Variants in PPP2R2B observed in about 807,000 individuals in gnomAD.
PPP2R2B encodes protein phosphatase 2 regulatory subunit Bbeta, also known as serine/threonine-protein phosphatase 2A 55 kDa regulatory subunit B beta isoform.
Under a neutral mutation model 46.0 loss-of-function variants are expected in PPP2R2B, and 5 were observed. That is an observed-to-expected ratio of 0.11 (90% CI 0.06 to 0.23). The LOEUF (loss-of-function observed/expected upper bound fraction) is 0.23. Ranked by LOEUF, PPP2R2B falls within the 10% of genes least tolerant of loss-of-function variation. The pLI is 1.00. For missense variants in PPP2R2B, 367 were observed against 575.0 expected (o/e 0.64, Z 3.70); for synonymous variants, 215 against 206.7 (o/e 1.04, Z -0.34).
intron 1 of PPP2R2B, among the ~76,000 whole-genome samples, chr5:147,020,906 A>C (rs1000347970): frequency 1.3e-5 from 2 of 152,212 alleles, no homozygotes; most frequent in African/African-American, 4.8e-5. Context: ...CGAGAACTGT[A>C]TAACTAAATT....
intron 2 of PPP2R2B, among the ~76,000 whole-genome samples, chr5:146,731,416 T>C (rs772428394): frequency 1.1e-4 from 17 of 152,224 alleles, no homozygotes; most frequent in Non-Finnish European, 2.2e-4. Context: ...TAAAATTATT[T>C]TGCAAGAGAC....
intron 2 of PPP2R2B, chr5:146,751,447 T>G (rs1475467376): frequency 6.6e-6 from 1 of 152,260 alleles, no homozygotes; most frequent in Non-Finnish European, 1.5e-5. Context: ...GTCTGGCCCC[T>G]GCCTGCCTCT....
intron 2 of PPP2R2B, among the ~76,000 whole-genome samples, chr5:146,813,912 C>T (rs1237433982): frequency 6.6e-6 from 1 of 152,038 alleles, no homozygotes; most frequent in South Asian, 2.1e-4. Context: ...ACAGTTTAGA[C>T]CAGGACAGGA....
chr5:146,667,755 C>T (rs867987819), intron 5 of PPP2R2B, among the ~76,000 whole-genome samples: 12 of 152,118 alleles, frequency 7.9e-5, no homozygotes, highest in Admixed American at 1.3e-4. Context: ...GTCTCTTAAA[C>T]GCCTTCTCTC....
chr5:146,669,990 C>T (rs1777242384), intron 5 of PPP2R2B, among the ~76,000 whole-genome samples: 1 of 152,168 alleles, frequency 6.6e-6, no homozygotes, highest in African/African-American at 2.4e-5. Context: ...TCAGGTTTCT[C>T]TCTGCAGTAA....
chr5:146,790,826 G>A (rs1162351594), intron 2 of PPP2R2B, among the ~76,000 whole-genome samples: 2 of 152,200 alleles, frequency 1.3e-5, no homozygotes, highest in African/African-American at 4.8e-5. Flanking sequence ...ATTGAAGAGA[G>A]GAGGAAGAAA....
chr5:147,068,884 A>G (rs1757490845), intron 2 of PPP2R2B, among the ~76,000 whole-genome samples: 2 of 152,080 alleles, frequency 1.3e-5, no homozygotes, highest in Admixed American at 1.3e-4. Context: ...AGAAGCACAC[A>G]TGGACAAACG....
intron 2 of PPP2R2B, among the ~76,000 whole-genome samples, chr5:146,859,824 G>A (rs1760879966): frequency 6.6e-6 from 1 of 152,090 alleles, no homozygotes; most frequent in Admixed American, 6.5e-5. Context: ...TCTCTTGCTT[G>A]TCTACATCAG....
chr5:146,600,829 C>A (rs1236343549), intron 7 of PPP2R2B, among the ~76,000 whole-genome samples: 1 of 152,138 alleles, frequency 6.6e-6, no homozygotes, highest in Non-Finnish European at 1.5e-5. Flanking sequence ...AGATACAATT[C>A]ACATACCACA....
At chr5:146,609,934 T>C (rs1279728774) in intron 7 of PPP2R2B, among the ~76,000 whole-genome samples, 1 of 145,214 alleles carries the variant, frequency 6.9e-6, no homozygotes, top group Non-Finnish European at 1.5e-5. Context: ...CCGCCATTGA[T>C]TGCCCAGGCT....
intron 2 of PPP2R2B, among the ~76,000 whole-genome samples, chr5:146,703,513 AG>A (rs1312206315): frequency 6.6e-6 from 1 of 152,200 alleles, no homozygotes; most frequent in East Asian, 1.9e-4. Context: ...TGAGAACTAA[AG>A]ATGGGCCTTT....
chr5:146,788,552 G>A (rs7734140), intron 2 of PPP2R2B, among the ~76,000 whole-genome samples: 1 of 152,092 alleles, frequency 6.6e-6, no homozygotes, highest in South Asian at 2.1e-4. Flanking sequence ...CCAACAAGAC[G>A]AAACCCCGTC....
intron 5 of PPP2R2B, among the ~76,000 whole-genome samples, chr5:146,662,596 G>T (rs375382153): frequency 4.1e-4 from 62 of 152,212 alleles, no homozygotes; most frequent in African/African-American, 1.4e-3. Context: ...CTAATACTGT[G>T]AGAAATAAAT....
chr5:146,641,095 G>T (rs1561795789), intron 6 of PPP2R2B, among the ~76,000 whole-genome samples: 1 of 152,192 alleles, frequency 6.6e-6, no homozygotes, highest in Non-Finnish European at 1.5e-5. Flanking sequence ...AGTTGCTAAT[G>T]CTGATCAGGG....
intron 1 of PPP2R2B, among the ~76,000 whole-genome samples, chr5:146,930,926 A>G (rs960120392): frequency 1.3e-5 from 2 of 152,178 alleles, no homozygotes; most frequent in African/African-American, 4.8e-5. Context: ...ACATGGTATT[A>G]CTTTTAACTT....
At chr5:146,881,203 C>T (rs944296242), upstream of PPP2R2B, among the ~76,000 whole-genome samples, 3 of 152,116 alleles carry the variant, frequency 2.0e-5, no homozygotes, top group Non-Finnish European at 2.9e-5. Flanking sequence ...ATGTTCTTTG[C>T]CACTTCCTCA....
At chr5:146,892,777 G>A (rs1762530426) in intron 1 of PPP2R2B, among the ~76,000 whole-genome samples, 2 of 152,178 alleles carry the variant, frequency 1.3e-5, no homozygotes, top group Non-Finnish European at 2.9e-5. Flanking sequence ...CAATGCACAT[G>A]TAAAACTTCT....
chr5:146,878,176 G>A lies in PPP2R2B; in HGVS notation c.-105C>T. ...GAGAGGGGGGCAGGGGAGCCAGTGG[G>A]ACTGCACCATGGTCCGAGCCTGAGG... On this transcript the variant is annotated 5_prime_UTR_variant, in exon 2 of 10. Transcript: ENST00000394411. The surrounding 1 kb of genome is among the most constrained non-coding windows in gnomAD (Gnocchi z 4.5). The A allele has an allele frequency of 1.3e-6, 2 of 1,599,174 alleles. No homozygotes were observed.
chr5:146,597,304 A>G (rs1489498674), intron 8 of PPP2R2B, among the ~76,000 whole-genome samples: 1 of 152,090 alleles, frequency 6.6e-6, no homozygotes, highest in Non-Finnish European at 1.5e-5. Flanking sequence ...TGGTCATATT[A>G]TGAACCTTGT....
Sources: gnomAD v4.1 joint callset for allele counts (sites outside exome capture counted in the v4.1 genomes callset) on GRCh38, gnomAD v4.1.1 for gene constraint, Gnocchi (gnomAD v3.1) non-coding constraint, MANE v1.5 for transcripts, NCBI Gene and HGNC (gene_info 2026-07-23, HGNC 2026-07-21) for gene names.